Variants in CAST observed in about 807,000 individuals in gnomAD.
The protein encoded by CAST is MIR583 host.
A neutral mutation model predicts 119.6 loss-of-function variants in CAST; 76 were observed. That is an observed-to-expected ratio of 0.64 (90% CI 0.53 to 0.77). CAST has a LOEUF of 0.77. Among genes scored for constraint, CAST ranks in the 30% least tolerant of loss-of-function variants. The pLI is 0.00. For synonymous variants in CAST, 319 were observed against 331.6 expected (o/e 0.96, Z 0.41); for missense variants, 953 against 946.5 (o/e 1.01, Z -0.09).
rs1773388564 is a variant in CAST at position 96,774,024 on chromosome 5, A to C, written c.*1408A>C. 1 of 152,352 alleles carries C rather than the reference A, an allele frequency of 6.6e-6. No homozygotes were observed. The highest frequency in any genetic ancestry group is 2.4e-5 in the African/African-American group (1 of 41,442). 9.4% of individuals were successfully genotyped at this position (152,352 alleles called of 1,614,324 possible). A position where few individuals can be genotyped will look rare whatever the true frequency, so the allele number is the denominator to read the frequency against. ...GGATTTTACACACCACCAGCTTAAA[A>C]TGCTATGTCTCTATCCATCAGAAAT... On this transcript the variant is annotated 3_prime_UTR_variant, in exon 32 of 32. Coordinates refer to ENST00000675179, the MANE Select transcript of CAST (RefSeq NM_001750.7).
At chr5:96,461,656 C>G in the CAST span, among the ~76,000 whole-genome samples, 1 of 151,944 alleles carries the variant, frequency 6.6e-6, no homozygotes, top group Non-Finnish European at 1.5e-5. Context: ...ATCATCTGAT[C>G]CGTGTTATTT....
rs771620048 is a variant in CAST at position 96,741,519 on chromosome 5, A to T, written c.1037A>T (p.Gln346Leu). The part of the protein sequence containing the change: ...KEESTEVLKA[Q>L]SAGTVRSAAP... ...GAATCTACAGAAGTTTTAAAAGCTC[A>T]GTCAGCAGGGACAGTCAGAAGTGCT... Residue 346 changes from glutamine to leucine, a missense_variant, in exon 15 of 32, where the codon CAG becomes CTG. Transcript: ENST00000675179. 1.2e-6 allele frequency: 2 copies of T among 1,613,656 alleles called. No individual in the cohort carries two copies. The highest frequency in any genetic ancestry group is 2.2e-5 in the South Asian group (2 of 91,044).
the CAST span, chr5:95,961,739 G>T: frequency 1.3e-6 from 2 of 1,538,228 alleles, no homozygotes; most frequent in South Asian, 1.2e-5. Context: ...TCCCCGGGGT[G>T]CCGCCGCCGC....
chr5:96,157,416 C>T, the CAST span, among the ~76,000 whole-genome samples: 1 of 152,224 alleles, frequency 6.6e-6, no homozygotes, highest in Non-Finnish European at 1.5e-5. Flanking sequence ...CTAATTTTGA[C>T]CACAGATGTT....
chr5:95,964,980 A>G, the CAST span: 1 of 151,486 alleles, frequency 6.6e-6, no homozygotes, highest in East Asian at 1.9e-4. Flanking sequence ...CTGGCATTCA[A>G]ATGCTGGGCC....
intron 2 of CAST, among the ~76,000 whole-genome samples, chr5:96,677,264 A>G (rs746274511): frequency 3.3e-5 from 5 of 152,224 alleles, no homozygotes; most frequent in Non-Finnish European, 5.9e-5. Flanking sequence ...TTATTTGCCT[A>G]AAAAGGAAGT....
At chr5:96,301,925 G>C in the CAST span, among the ~76,000 whole-genome samples, 1 of 152,200 alleles carries the variant, frequency 6.6e-6, no homozygotes, top group East Asian at 1.9e-4. Context: ...AGCTCCGCTA[G>C]GCATTGCTCC....
intron 1 of CAST, among the ~76,000 whole-genome samples, chr5:96,560,395 A>G (rs1365275997): frequency 1.3e-5 from 2 of 151,642 alleles, no homozygotes; most frequent in African/African-American, 4.8e-5. Context: ...ACAGCAAAAG[A>G]AACTACCATC....
chr5:96,397,485 A>T, the CAST span: 2 of 1,608,200 alleles, frequency 1.2e-6, no homozygotes, highest in Non-Finnish European at 1.7e-6. Context: ...AAACAAATAC[A>T]AGTTAATGAA....
At chr5:96,232,434 C>A in the CAST span, among the ~76,000 whole-genome samples, 1 of 152,008 alleles carries the variant, frequency 6.6e-6, no homozygotes, top group African/African-American at 2.4e-5. Flanking sequence ...TCCTTACCCA[C>A]AAATATGGTT....
the CAST span, among the ~76,000 whole-genome samples, chr5:96,334,516 C>T: frequency 2.0e-5 from 3 of 152,160 alleles, no homozygotes; most frequent in Non-Finnish European, 2.9e-5. Context: ...TTGGAAGGGC[C>T]TGGTTTTCAG....
the CAST span, among the ~76,000 whole-genome samples, chr5:96,345,252 A>T: frequency 6.6e-6 from 1 of 151,740 alleles, no homozygotes; most frequent in African/African-American, 2.4e-5. Flanking sequence ...TTCTTAACCT[A>T]ATCTACTCTT....
the CAST span, among the ~76,000 whole-genome samples, chr5:96,091,794 G>A: frequency 1.3e-5 from 2 of 152,052 alleles, no homozygotes; most frequent in Admixed American, 1.3e-4. Context: ...ATGAGCCATC[G>A]TACCTGGCCC....
At chr5:96,120,621 T>G in the CAST span, among the ~76,000 whole-genome samples, 4 of 149,784 alleles carry the variant, frequency 2.7e-5, no homozygotes, top group South Asian at 8.4e-4. Context: ...AATACCGTAA[T>G]AGCCTCCTCA....
the CAST span, among the ~76,000 whole-genome samples, chr5:96,254,628 G>A: frequency 2.0e-5 from 3 of 152,094 alleles, no homozygotes; most frequent in South Asian, 2.1e-4. Context: ...AGAGAGAAAG[G>A]TGGCTATGTA....
chr5:95,983,105 T>G, the CAST span, among the ~76,000 whole-genome samples: 3,688 of 152,352 alleles, frequency 0.024, 149 homozygotes, highest in African/African-American at 0.083. Context: ...TCTATTTACT[T>G]AAACTCTAAT....
the CAST span, among the ~76,000 whole-genome samples, chr5:96,172,334 T>G: frequency 5.3e-5 from 8 of 152,232 alleles, no homozygotes; most frequent in African/African-American, 1.9e-4. Flanking sequence ...ACTTCTTTTG[T>G]GATTCTTCAG....
chr5:96,388,548 T>C, the CAST span, among the ~76,000 whole-genome samples: 11 of 152,168 alleles, frequency 7.2e-5, no homozygotes, highest in African/African-American at 2.7e-4. Flanking sequence ...CAAAGTAGAT[T>C]GCATGGTCAA....
At chr5:96,382,413 C>T in the CAST span, among the ~76,000 whole-genome samples, 3 of 152,334 alleles carry the variant, frequency 2.0e-5, no homozygotes, top group East Asian at 5.8e-4. Flanking sequence ...GTACTGGGCT[C>T]AGCATCTTGA....
Sources: allele counts gnomAD v4.1 joint callset (sites outside exome capture counted in the v4.1 genomes callset), GRCh38; gene constraint gnomAD v4.1.1; transcripts MANE v1.5; gene names NCBI Gene and HGNC (gene_info 2026-07-23, HGNC 2026-07-21).